The following ZNF266 variants were observed in gnomAD, a reference collection of about 807,000 sequenced individuals.
ZNF266 encodes the protein zinc finger protein 1.
A neutral mutation model predicts 16.4 loss-of-function variants in ZNF266; 16 were observed. The observed-to-expected ratio is 0.98, with a 90% CI of 0.66 to 1.48. ZNF266 has a LOEUF of 1.48. Ranked by LOEUF, ZNF266 falls within the 40% of genes most tolerant of loss-of-function variation. ZNF266 has a pLI of 0.00. For synonymous variants in ZNF266, 262 were observed against 237.9 expected (o/e 1.10, Z -0.93); for missense variants, 738 against 689.1 (o/e 1.07, Z -0.79).
chr19:9,431,953 G>A (rs2123483107), intron 5 of ZNF266, among the ~76,000 whole-genome samples: 1 of 152,174 alleles, frequency 6.6e-6, no homozygotes, highest in East Asian at 1.9e-4. Context: ...AGTCAGTTGG[G>A]TTTTGTTTTG....
intron 10 of ZNF266, among the ~76,000 whole-genome samples, 175 bp downstream of exon 10, chr19:9,415,479 C>T (rs1296678928): frequency 2.0e-5 from 3 of 152,170 alleles, no homozygotes; most frequent in Non-Finnish European, 2.9e-5. Flanking sequence ...GATCTTGCTA[C>T]GTTGACCAGG....
rs759752997 is a variant in ZNF266, at chr19:9,414,295, T to C, written c.831A>G (p.Lys277=). Residue 277 remains lysine, a synonymous_variant, in exon 11 of 11, where the codon AAA becomes AAG. Transcript: ENST00000592904. ...TTCCACATTCCTTACATTTGTAGGGTTTTTCTGACCTGTGAGTTTGTATAC... is the reference window on the plus strand; with the variant it reads ...TTCCACATTCCTTACATTTGTAGGGCTTTTCTGACCTGTGAGTTTGTATAC... ...AVRIQTHRSE[K]PYKCKECGKG... 3 of 1,613,876 alleles carry C rather than the reference T, an allele frequency of 1.9e-6. 1 individual carries two copies. The highest frequency in any genetic ancestry group is 2.2e-5 in the South Asian group (2 of 91,058).
chr19:9,414,607 A>C lies in ZNF266; in HGVS notation c.519T>G (p.Phe173Leu). Residue 173 changes from phenylalanine to leucine, a missense_variant, in exon 11 of 11, where the codon TTT becomes TTG. Phe to Leu is a conservative substitution (Grantham distance 22, BLOSUM62 0). Transcript: ENST00000592904. ...AGTCTACTCCATACAGATAACACTC[A>C]AATGTGTTCTCACTATTTTGAGTTC... ...HVRTQNSENTFECYLYGVDFL... is the reference protein window; with the variant it reads ...HVRTQNSENTLECYLYGVDFL... 12 of 1,612,390 alleles carry C rather than the reference A, an allele frequency of 7.4e-6. No individual in the cohort carries two copies. The highest frequency in any genetic ancestry group is 1.0e-5 in the Non-Finnish European group (12 of 1,178,442).
At chr19:9,425,483 C>G (rs1254064173) in intron 5 of ZNF266, among the ~76,000 whole-genome samples, 4 of 152,180 alleles carry the variant, frequency 2.6e-5, no homozygotes, top group African/African-American at 9.7e-5. Context: ...AGAGAGAGAC[C>G]CCCTAGACCA....
At chr19:9,428,258 C>A (rs1009879623) in intron 5 of ZNF266, among the ~76,000 whole-genome samples, 2 of 152,166 alleles carry the variant, frequency 1.3e-5, no homozygotes, top group African/African-American at 4.8e-5. Context: ...AACAACCCCC[C>A]ATAAGCTCTG....
intron 5 of ZNF266, among the ~76,000 whole-genome samples, chr19:9,422,731 A>G (rs2070117739): frequency 6.6e-6 from 1 of 151,938 alleles, no homozygotes; most frequent in Non-Finnish European, 1.5e-5. Flanking sequence ...CAGCCCCGCT[A>G]AAGGCTGACC....
chr19:9,433,203 G>A lies in ZNF266; in HGVS notation c.-130+465C>T, dbSNP rs1448545745. ...GGAATTTGATTTTTTTTCCGTCATC[G>A]ATGTTATAATTAACAGACATTATTC... is the stretch of plus-strand genomic sequence containing the variant. On this transcript the variant is annotated intron_variant, in intron 5 of 10. Coordinates refer to ENST00000592904, the MANE Select transcript of ZNF266 (RefSeq NM_001370374.1). 3.9e-5 allele frequency among the ~76,000 whole-genome samples: 6 copies of A among 152,164 alleles called. No homozygotes were observed. The South Asian group carries it at 6.2e-4, about 16-fold the overall frequency.
intron 5 of ZNF266, among the ~76,000 whole-genome samples, chr19:9,422,724 C>A (rs1357755536): frequency 6.6e-6 from 1 of 152,082 alleles, no homozygotes; most frequent in East Asian, 1.9e-4. Flanking sequence ...AGCACTACAG[C>A]CCCGCTAAAG....
intron 5 of ZNF266, among the ~76,000 whole-genome samples, chr19:9,432,032 T>C (rs1278022407): frequency 6.6e-6 from 1 of 152,210 alleles, no homozygotes; most frequent in Non-Finnish European, 1.5e-5. Flanking sequence ...CTCAGCTCAC[T>C]GCAGCCTTCA....
chr19:9,433,151 G>A (rs1403237350), intron 5 of ZNF266, among the ~76,000 whole-genome samples: 1 of 152,184 alleles, frequency 6.6e-6, no homozygotes, highest in East Asian at 1.9e-4. Context: ...TGGGAAGAAC[G>A]TGCAGAATCT....
chr19:9,426,140 C>T (rs556437374), intron 5 of ZNF266, among the ~76,000 whole-genome samples: 2 of 152,122 alleles, frequency 1.3e-5, no homozygotes, highest in African/African-American at 4.8e-5. Context: ...TGTTGCTCTA[C>T]GCCCCCACCC....
intron 5 of ZNF266, among the ~76,000 whole-genome samples, chr19:9,423,414 C>A (rs1273430664): frequency 6.6e-6 from 1 of 152,212 alleles, no homozygotes; most frequent in Non-Finnish European, 1.5e-5. Flanking sequence ...TATCAGTAGT[C>A]ATGGCCTCCA....
chr19:9,420,666 A>G (rs1978437), intron 5 of ZNF266: 85,264 of 151,772 alleles, frequency 0.56, 24,204 homozygotes, highest in Middle Eastern at 0.62. Context: ...GAGGCAGGAG[A>G]ATCGCTTGAA....
chr19:9,419,062 G>C (rs1002467988), intron 7 of ZNF266, 155 bp downstream of exon 7: 2 of 156,910 alleles, frequency 1.3e-5, no homozygotes, highest in Admixed American at 6.4e-5. Context: ...AATATGACAG[G>C]CTCCACTCCT....
intron 5 of ZNF266, among the ~76,000 whole-genome samples, chr19:9,433,390 A>T (rs1241440384): frequency 6.6e-6 from 1 of 152,166 alleles, no homozygotes; most frequent in Non-Finnish European, 1.5e-5. Flanking sequence ...CTTACTCTGG[A>T]CATTCCTTCA....
chr19:9,415,698 G>A lies in ZNF266; in HGVS notation c.361C>T (p.Gln121Ter), dbSNP rs146586902. The change falls in exon 10 of 11, where the codon CAG becomes TAG. Residue 121 changes from glutamine (Q) to a stop codon, truncating the protein, a stop_gained. Transcript: ENST00000592904. LOFTEE classifies it low-confidence loss of function (END_TRUNC). Reference sequence around the variant, plus strand: ...GTTGGCTCCCCCAAAACATCCTGCTGAAGGGCTAACTCTTTGGTTTTAAGT... The same window carrying A: ...GTTGGCTCCCCCAAAACATCCTGCTAAAGGGCTAACTCTTTGGTTTTAAGT... ...VQLKTKELAL[Q>*]QDVLGEPTSS... 406 of 1,613,388 alleles carry A rather than the reference G, an allele frequency of 2.5e-4. No individual in the cohort carries two copies. The highest frequency in any genetic ancestry group is 3.3e-4 in the Non-Finnish European group (389 of 1,179,488).
intron 5 of ZNF266, among the ~76,000 whole-genome samples, chr19:9,423,773 A>C (rs2070289134): frequency 6.6e-6 from 1 of 152,120 alleles, no homozygotes; most frequent in Non-Finnish European, 1.5e-5. Context: ...AGGCAGGTGG[A>C]TCGTTTCAGG....
Position 9,417,811 on chromosome 19 carries a change from C to T in ZNF266, c.316+17G>A, listed in dbSNP as rs1451505756. 1 of 1,611,546 alleles carries T rather than the reference C, an allele frequency of 6.2e-7. No homozygotes were observed. Among genetic ancestry groups the T allele is most frequent in the Non-Finnish European group, 8.5e-7 (1 of 1,177,924 alleles). On this transcript the variant is annotated intron_variant, in intron 9 of 10. Transcript: ENST00000592904. ...TACTGAACTTATTGACCAGGGCGGT[C>T]CTTTGTGAACACTCACCTTGGAAAT... is the stretch of plus-strand genomic sequence containing the variant.
intron 10 of ZNF266, among the ~76,000 whole-genome samples, chr19:9,415,046 GT>G (rs1166759355): frequency 6.6e-6 from 1 of 152,192 alleles, no homozygotes; most frequent in Non-Finnish European, 1.5e-5. Context: ...TGTAATCCCA[GT>G]GCTTTGGGAG....
Sources: allele counts gnomAD v4.1 joint callset (sites outside exome capture counted in the v4.1 genomes callset), GRCh38; gene constraint gnomAD v4.1.1; transcripts MANE v1.5; gene names NCBI Gene and HGNC (gene_info 2026-07-23, HGNC 2026-07-21).